Variants in VAC14 observed in about 807,000 individuals in gnomAD.
VAC14 encodes protein VAC14 homolog.
In VAC14, 47 loss-of-function variants were observed where a neutral mutation model predicts 85.3. That is an observed-to-expected ratio of 0.55 (90% confidence interval 0.44 to 0.70). The LOEUF is 0.70. VAC14 is among the 30% of genes least tolerant of loss of function. VAC14 has a pLI of 0.00. For synonymous variants in VAC14, 447 were observed against 430.5 expected, an observed-to-expected ratio of 1.04 and a Z score of -0.47; for missense variants, 861 against 1,004.3, an observed-to-expected ratio of 0.86 and a Z score of 1.93.
intron 9 of VAC14, chr16:70,778,566 C>G (rs1267792319): frequency 6.6e-6 from 1 of 152,130 alleles, no homozygotes; most frequent in Non-Finnish European, 1.5e-5. Flanking sequence ...TAGAACATCT[C>G]CATAACCCCA....
At chr16:70,733,902 T>G (rs1031153109) in intron 13 of VAC14, among the ~76,000 whole-genome samples, 1 of 152,210 alleles carries the variant, frequency 6.6e-6, no homozygotes, top group Admixed American at 6.5e-5. Flanking sequence ...CTTGGCTCAC[T>G]GCAACCTCCG....
intron 14 of VAC14, among the ~76,000 whole-genome samples, chr16:70,721,866 A>C (rs2054301679): frequency 6.6e-6 from 1 of 152,086 alleles, no homozygotes; most frequent in African/African-American, 2.4e-5. Context: ...TGCTCATGGC[A>C]GGCGTGTCCC....
At chr16:70,789,598 T>C (rs775464243) in intron 1 of VAC14, among the ~76,000 whole-genome samples, 2 of 152,376 alleles carry the variant, frequency 1.3e-5, no homozygotes, top group Non-Finnish European at 1.5e-5. Context: ...TTTAGTTTAA[T>C]CGTGAGAGAC....
intron 14 of VAC14, among the ~76,000 whole-genome samples, chr16:70,728,978 C>T (rs1004458063): frequency 2.0e-5 from 3 of 152,196 alleles, no homozygotes; most frequent in East Asian, 1.9e-4. Context: ...AACTGGCCAA[C>T]GTGATGGGAA....
rs1422589758 is a variant in VAC14 at position 70,744,553 on chromosome 16, C to T, written c.1398G>A (p.Leu466=). 1.9e-6 allele frequency: 3 copies of T among 1,606,920 alleles called. No individual in the cohort carries two copies. Among genetic ancestry groups the T allele is most frequent in the South Asian group, 1.1e-5 (1 of 89,726 alleles). Residue 466 remains leucine, a synonymous_variant, in exon 13 of 19, where the codon CTG becomes CTA. Coordinates refer to ENST00000261776, the MANE Select transcript of VAC14 (RefSeq NM_018052.5). ...DEVILKDLEV[L]AEIASSPAGQ... ...CTGCGGGGGAGGAAGCGATTTCTGC[C>T]AGCACCTCCAGGTCCTTCAGGATCA...
chr16:70,706,659 T>A (rs976216267), intron 14 of VAC14, among the ~76,000 whole-genome samples: 1 of 152,216 alleles, frequency 6.6e-6, no homozygotes, highest in Non-Finnish European at 1.5e-5. Context: ...TGTGCCACGA[T>A]ACTAGGCACA....
At chr16:70,737,620 G>C (rs929666396) in intron 13 of VAC14, among the ~76,000 whole-genome samples, 1 of 152,180 alleles carries the variant, frequency 6.6e-6, no homozygotes, top group Non-Finnish European at 1.5e-5. Context: ...GCACAGAGAC[G>C]CACTCCACAC....
intron 12 of VAC14, among the ~76,000 whole-genome samples, chr16:70,751,156 C>T (rs1461999928): frequency 1.3e-5 from 2 of 152,262 alleles, no homozygotes; most frequent in African/African-American, 4.8e-5. Flanking sequence ...AACGTTCACA[C>T]AGGCCATTGG....
intron 12 of VAC14, among the ~76,000 whole-genome samples, chr16:70,757,242 C>G (rs2143075849): frequency 6.6e-6 from 1 of 152,340 alleles, no homozygotes; most frequent in Middle Eastern, 3.4e-3. Context: ...CCTTCTCGAT[C>G]TCAAAGGTTT....
Position 70,688,023 on chromosome 16 carries a change from G to T in VAC14, c.2254C>A (p.Leu752Met). The change falls in exon 19 of 19, where the codon CTG becomes ATG. Residue 752 changes from leucine to methionine, a missense_variant. Leu to Met is a conservative substitution (Grantham distance 15). Coordinates refer to ENST00000261776, the MANE Select transcript of VAC14 (RefSeq NM_018052.5). Reference sequence around the variant, plus strand: ...TTCTGGACCTTCTCAAAGTGCTGCAGCAGCTCTGCGTAGTCGATGCTAGGG... The same window carrying T: ...TTCTGGACCTTCTCAAAGTGCTGCATCAGCTCTGCGTAGTCGATGCTAGGG... Reference protein sequence around the residue: ...DSPSIDYAELLQHFEKVQNKH... With the variant: ...DSPSIDYAELMQHFEKVQNKH... The T allele has an allele frequency of 1.2e-6, 2 of 1,606,938 alleles. No individual in the cohort carries two copies. Among genetic ancestry groups the T allele is most frequent in the Non-Finnish European group, 1.7e-6 (2 of 1,175,856 alleles).
rs141853788 is a variant in VAC14 at position 70,721,013 on chromosome 16, T to C, written c.1661+10482A>G. The stretch of plus-strand genomic sequence containing the variant: ...GCTTCAAAGAGGCCAAAGTGGATGA[T>C]GCGAGCCACTGCGATAAGCCAGGGG... On this transcript the variant is annotated intron_variant, in intron 14 of 18. Transcript: ENST00000261776. Among the ~76,000 whole-genome samples the C allele has an allele frequency of 2.6e-4, 40 of 152,342 alleles. No individual in the cohort carries two copies. In the East Asian group the frequency reaches 7.7e-3, roughly 29 times the overall value.
chr16:70,765,687 C>G (rs913728265), intron 10 of VAC14, among the ~76,000 whole-genome samples: 6 of 152,176 alleles, frequency 3.9e-5, no homozygotes, highest in Non-Finnish European at 8.8e-5. Context: ...GCAGCAGGCT[C>G]AGAGAGAGTC....
chr16:70,781,076 A>T (rs2033789766), intron 8 of VAC14, 137 bp from the exon 9 acceptor site: 1 of 1,229,736 alleles, frequency 8.1e-7, no homozygotes, highest in Non-Finnish European at 1.1e-6. Flanking sequence ...TCCCTCACAA[A>T]TGGCTTGGTG....
intron 16 of VAC14, among the ~76,000 whole-genome samples, chr16:70,696,369 C>T (rs961415227): frequency 3.9e-5 from 6 of 152,116 alleles, no homozygotes; most frequent in East Asian, 1.9e-4. Context: ...AAAAATTAGC[C>T]GGGCATGGTG....
chr16:70,780,673 G>T, intron 9 of VAC14, 117 bp downstream of exon 9: 1 of 1,300,738 alleles, frequency 7.7e-7, no homozygotes, highest in Non-Finnish European at 1.0e-6. Flanking sequence ...ACAATTGTGT[G>T]AGTGACATAC....
At chr16:70,755,329 G>A in intron 12 of VAC14, 1 of 227,772 alleles carries the variant, frequency 4.4e-6, no homozygotes, top group Non-Finnish European at 9.2e-6. Flanking sequence ...AATGCACAGA[G>A]GGAGAAGGTG....
chr16:70,735,634 G>A (rs2054727196), intron 13 of VAC14, among the ~76,000 whole-genome samples: 1 of 152,208 alleles, frequency 6.6e-6, no homozygotes, highest in East Asian at 1.9e-4. Context: ...CTCTATAAGG[G>A]ATTCCTTACC....
chr16:70,785,427 C>T (rs1412293691), intron 3 of VAC14, among the ~76,000 whole-genome samples: 2 of 152,136 alleles, frequency 1.3e-5, no homozygotes, highest in African/African-American at 2.4e-5. Context: ...ACCAGGGAGG[C>T]GAGTGTTTCA....
chr16:70,738,019 A>G (rs1483050766), intron 13 of VAC14, among the ~76,000 whole-genome samples: 3 of 152,186 alleles, frequency 2.0e-5, no homozygotes, highest in Non-Finnish European at 4.4e-5. Flanking sequence ...CGCTCAGGGG[A>G]GGCAGCACCA....
Sources: allele counts gnomAD v4.1 joint callset (sites outside exome capture counted in the v4.1 genomes callset), GRCh38; gene constraint gnomAD v4.1.1; transcripts MANE v1.5; gene names NCBI Gene and HGNC (gene_info 2026-07-23, HGNC 2026-07-21).